The following LUZP2 variants were observed in gnomAD, a reference collection of about 807,000 sequenced individuals.
The protein encoded by LUZP2 is leucine zipper protein 2.
A neutral mutation model predicts 51.6 loss-of-function variants in LUZP2; 52 were observed. The ratio of observed to expected loss-of-function variants is 1.01; its 90% confidence interval spans 0.81 to 1.27. The LOEUF (loss-of-function observed/expected upper bound fraction) is 1.27, where lower values mean the gene tolerates loss of function less well. LUZP2 is among the 50% of genes most tolerant of loss of function. The pLI is 0.00. For missense variants in LUZP2, 436 were observed against 395.4 expected (o/e 1.10, Z -0.87); for synonymous variants, 154 against 137.3 (o/e 1.12, Z -0.85).
intron 5 of LUZP2, among the ~76,000 whole-genome samples, chr11:24,763,871 C>T (rs1360480866): frequency 1.3e-5 from 2 of 151,946 alleles, no homozygotes; most frequent in Non-Finnish European, 2.9e-5. Context: ...CTATTTCTAC[C>T]TTTTCATTTC....
intron 1 of LUZP2, among the ~76,000 whole-genome samples, chr11:24,649,678 A>T (rs937972052): frequency 6.6e-6 from 1 of 151,836 alleles, no homozygotes; most frequent in African/African-American, 2.4e-5. Flanking sequence ...AGGTGTTATA[A>T]CCTGAATCGG....
intron 5 of LUZP2, among the ~76,000 whole-genome samples, chr11:24,886,793 A>G (rs1852679840): frequency 6.6e-6 from 1 of 152,188 alleles, no homozygotes; most frequent in Non-Finnish European, 1.5e-5. Context: ...CCATTTTCCT[A>G]AGATTTCTTT....
Position 24,772,955 on chromosome 11 carries a change from T to C in LUZP2, c.396+9647T>C, listed in dbSNP as rs187769537. On this transcript the variant is annotated intron_variant, in intron 5 of 11. Coordinates refer to ENST00000336930, the MANE Select transcript of LUZP2 (RefSeq NM_001009909.4). ...GTATGACCTTGTTTTAACAATTTCATGTGCAAATAACTTATTTCCAAATAA... is the reference window on the plus strand; with the variant it reads ...GTATGACCTTGTTTTAACAATTTCACGTGCAAATAACTTATTTCCAAATAA... 2.6e-3 allele frequency among the ~76,000 whole-genome samples: 393 copies of C among 152,334 alleles called. 3 individuals are homozygous for C. Among genetic ancestry groups the C allele is most frequent in the African/African-American group, 9.0e-3 (374 of 41,578 alleles).
chr11:24,552,213 T>C (rs1309520691), intron 1 of LUZP2, among the ~76,000 whole-genome samples: 3 of 152,042 alleles, frequency 2.0e-5, no homozygotes, highest in Non-Finnish European at 2.9e-5. Context: ...ACTGTGAAAT[T>C]ATCACAATCA....
intron 1 of LUZP2, among the ~76,000 whole-genome samples, chr11:24,550,028 A>C (rs1851678998): frequency 6.6e-6 from 1 of 152,078 alleles, no homozygotes; most frequent in Non-Finnish European, 1.5e-5. Context: ...AATTCTAAAA[A>C]TATGTCCTGA....
chr11:24,567,213 G>A (rs1012710455), intron 1 of LUZP2, among the ~76,000 whole-genome samples: 1 of 150,712 alleles, frequency 6.6e-6, no homozygotes, highest in South Asian at 2.1e-4. Flanking sequence ...AATAAAATTG[G>A]TTAGAGAGGC....
intron 1 of LUZP2, among the ~76,000 whole-genome samples, chr11:24,560,302 C>T (rs986606020): frequency 6.6e-6 from 1 of 152,016 alleles, no homozygotes; most frequent in African/African-American, 2.4e-5. Context: ...ATAAAATAAG[C>T]AAAATTTCTG....
intron 1 of LUZP2, among the ~76,000 whole-genome samples, chr11:24,717,710 C>T (rs1487404196): frequency 6.6e-6 from 1 of 152,028 alleles, no homozygotes; most frequent in East Asian, 1.9e-4. Flanking sequence ...CCACCGCGCC[C>T]GGCCCCCAAT....
At chr11:24,551,572 G>A (rs949230595) in intron 1 of LUZP2, among the ~76,000 whole-genome samples, 1 of 152,004 alleles carries the variant, frequency 6.6e-6, no homozygotes, top group African/African-American at 2.4e-5. Context: ...TACTTTAAAT[G>A]AGTGAATATG....
intron 5 of LUZP2, among the ~76,000 whole-genome samples, chr11:24,795,308 A>T (rs1035489695): frequency 3.9e-5 from 6 of 152,120 alleles, no homozygotes; most frequent in Non-Finnish European, 7.4e-5. Context: ...CTAGAGAAAA[A>T]TTGGCAAATG....
chr11:24,554,988 G>A (rs1851823627), intron 1 of LUZP2, among the ~76,000 whole-genome samples: 1 of 152,074 alleles, frequency 6.6e-6, no homozygotes, highest in Non-Finnish European at 1.5e-5. Flanking sequence ...AAGGCATGAA[G>A]TACTGCATTC....
At chr11:24,768,754 A>T (rs370120047) in intron 5 of LUZP2, among the ~76,000 whole-genome samples, 9 of 125,170 alleles carry the variant, frequency 7.2e-5, no homozygotes, top group East Asian at 4.5e-4. Context: ...AGAAGTAAGG[A>T]ATGCTGGCAA....
chr11:25,077,354 A>C lies in LUZP2; in HGVS notation c.884A>C (p.His295Pro). 1 of 1,613,062 alleles carries C rather than the reference A, an allele frequency of 6.2e-7. No homozygotes were observed. The highest frequency in any genetic ancestry group is 8.5e-7 in the Non-Finnish European group (1 of 1,179,266). ...QDEGRPCSMK[H>P]KESPPSNATA... The stretch of plus-strand genomic sequence containing the variant: ...GAGGGCAGACCGTGTTCCATGAAGC[A>C]CAAAGAAAGTCCCCCAAGTAATGCC... The change falls in exon 11 of 12, where the codon CAC (histidine) becomes CCC (proline). Residue 295 changes from histidine to proline, a missense_variant. By Grantham distance (77) the His-to-Pro change is moderately conservative (BLOSUM62 -2). Transcript: ENST00000336930.
chr11:24,673,200 A>G (rs1446711828), intron 1 of LUZP2, among the ~76,000 whole-genome samples: 3 of 152,196 alleles, frequency 2.0e-5, no homozygotes, highest in Non-Finnish European at 4.4e-5. Flanking sequence ...CATGATGATA[A>G]GTATTTGTGA....
At chr11:24,695,188 A>T (rs965562047) in intron 1 of LUZP2, among the ~76,000 whole-genome samples, 10 of 152,162 alleles carry the variant, frequency 6.6e-5, no homozygotes, top group Non-Finnish European at 1.0e-4. Flanking sequence ...AGCCATTGTT[A>T]TATCAATTCT....
chr11:24,765,845 C>T (rs1286214705), intron 5 of LUZP2, among the ~76,000 whole-genome samples: 1 of 152,052 alleles, frequency 6.6e-6, no homozygotes, highest in Non-Finnish European at 1.5e-5. Context: ...CCAGGATGGT[C>T]TCCATCTCCT....
chr11:24,982,999 G>T, intron 8 of LUZP2, 127 bp from the exon 9 acceptor site: 1 of 819,516 alleles, frequency 1.2e-6, no homozygotes, highest in Non-Finnish European at 1.9e-6. Context: ...TTATAAATTA[G>T]GCAATTACAT....
At chr11:25,010,813 C>T (rs766648000) in intron 9 of LUZP2, among the ~76,000 whole-genome samples, 1 of 152,044 alleles carries the variant, frequency 6.6e-6, no homozygotes, top group Admixed American at 6.6e-5. Flanking sequence ...CACCATTGCA[C>T]TCCAGCCTGG....
At chr11:24,969,789 A>C (rs1275361580) in intron 7 of LUZP2, among the ~76,000 whole-genome samples, 1 of 152,166 alleles carries the variant, frequency 6.6e-6, no homozygotes, top group Non-Finnish European at 1.5e-5. Context: ...ATGTATGGCT[A>C]CAAAAGAATG....
Sources: allele counts gnomAD v4.1 joint callset (sites outside exome capture counted in the v4.1 genomes callset), GRCh38; gene constraint gnomAD v4.1.1; transcripts MANE v1.5; gene names NCBI Gene and HGNC (gene_info 2026-07-23, HGNC 2026-07-21).